Variants in SDHA observed in about 807,000 individuals in gnomAD.
SDHA encodes succinate dehydrogenase complex flavoprotein subunit A.
A neutral mutation model predicts 78.4 loss-of-function variants in SDHA; 48 were observed. That is an observed-to-expected ratio of 0.61 (90% CI 0.49 to 0.78). SDHA has a LOEUF of 0.78. Among genes scored for constraint, SDHA ranks in the 30% least tolerant of loss-of-function variants. The pLI, the probability that SDHA is intolerant of heterozygous loss-of-function variation, is 0.00. For synonymous variants in SDHA, 326 were observed against 353.9 expected, an observed-to-expected ratio of 0.92 and a Z score of 0.88; for missense variants, 680 against 892.7, an observed-to-expected ratio of 0.76 and a Z score of 3.04.
intron 11 of SDHA, among the ~76,000 whole-genome samples, chr5:241,623 A>G (rs968923459): frequency 3.9e-5 from 6 of 152,232 alleles, no homozygotes; most frequent in African/African-American, 1.4e-4. Flanking sequence ...TCTAATAACA[A>G]GGATTCTTGT....
chr5:253,366 G>A (rs1736977413), intron 13 of SDHA, among the ~76,000 whole-genome samples: 1 of 152,180 alleles, frequency 6.6e-6, no homozygotes, highest in African/African-American at 2.4e-5. Flanking sequence ...TTGTCTCCTT[G>A]TATGTATTAA....
chr5:241,109 G>A (rs1300444670), intron 11 of SDHA, among the ~76,000 whole-genome samples: 8 of 152,076 alleles, frequency 5.3e-5, no homozygotes, highest in Non-Finnish European at 8.8e-5. Context: ...ATAGAAGGTC[G>A]GCAGACTAGG....
At chr5:264,620 AG>A in the SDHA span, among the ~76,000 whole-genome samples, 1 of 152,222 alleles carries the variant, frequency 6.6e-6, no homozygotes, top group African/African-American at 2.4e-5. Context: ...TTTGAGTCTG[AG>A]GAGTGACCTG....
intron 11 of SDHA, among the ~76,000 whole-genome samples, chr5:244,736 T>C (rs1310005335): frequency 6.6e-6 from 1 of 152,214 alleles, no homozygotes; most frequent in Non-Finnish European, 1.5e-5. Flanking sequence ...AAAGTAGTTA[T>C]ATTTCCATTG....
At chr5:225,730 A>G in intron 4 of SDHA, 153 bp from the exon 5 acceptor site, 1 of 1,351,246 alleles carries the variant, frequency 7.4e-7, no homozygotes. Flanking sequence ...ATATGTAACA[A>G]GAAAACTTCT....
intron 8 of SDHA, 55 bp from the exon 9 acceptor site, chr5:235,089 A>C: frequency 1.3e-6 from 2 of 1,536,180 alleles, no homozygotes; most frequent in African/African-American, 1.4e-5. Context: ...ACGTATTCTC[A>C]GGTCTCCTGC....
At chr5:220,434 A>G (rs1485717234) in intron 1 of SDHA, 3 of 262,464 alleles carry the variant, frequency 1.1e-5, no homozygotes, top group Non-Finnish European at 2.4e-5. Context: ...AATATGTTTA[A>G]TGGTGTTCTA....
At chr5:232,584 T>G (rs1735479024) in intron 7 of SDHA, among the ~76,000 whole-genome samples, 1 of 152,156 alleles carries the variant, frequency 6.6e-6, no homozygotes, top group Non-Finnish European at 1.5e-5. Flanking sequence ...ATTCCCTCTG[T>G]AATTTGCTTA....
At chr5:221,627 T>A (rs561925625) in intron 1 of SDHA, among the ~76,000 whole-genome samples, 19 of 139,526 alleles carry the variant, frequency 1.4e-4, no homozygotes, top group African/African-American at 6.2e-4. Flanking sequence ...TAGTTATATG[T>A]TCCCCATTTT....
At position 256,617 on chromosome 5, in the gene SDHA, C is replaced by T. The variant is rs1737215809; in HGVS notation, c.*197C>T. ...AGGGAGCGTGGCACTTACCTTTGTC[C>T]CTTGCTTCATTCTTGTGAGATGATA... On this transcript the variant is annotated 3_prime_UTR_variant, in exon 15 of 15. Coordinates refer to ENST00000264932, the MANE Select transcript of SDHA (RefSeq NM_004168.4). 3.3e-5 allele frequency: 20 copies of T among 603,996 alleles called. No homozygotes were observed. The South Asian group carries it at 3.7e-4, about 11-fold the overall frequency. The allele number at this position is 603,996 out of a possible 1,614,324, so 37.4% of individuals were successfully genotyped here. A position where few individuals can be genotyped will look rare whatever the true frequency, so the allele number is the denominator to read the frequency against.
At chr5:267,494 AT>A in the SDHA span, among the ~76,000 whole-genome samples, 1 of 152,256 alleles carries the variant, frequency 6.6e-6, no homozygotes, top group Admixed American at 6.5e-5. Flanking sequence ...CAGGATGGTT[AT>A]CTGTTCATTT....
At chr5:264,427 C>T in the SDHA span, among the ~76,000 whole-genome samples, 2 of 152,324 alleles carry the variant, frequency 1.3e-5, no homozygotes, top group African/African-American at 2.4e-5. Context: ...GTCTGGGAGC[C>T]GGATCCCACG....
Position 236,617 on chromosome 5 carries a change from G to C in SDHA, c.1432+18G>C, listed in dbSNP as rs763298397. On this transcript the variant is annotated intron_variant, in intron 10 of 14. Coordinates refer to ENST00000264932, the MANE Select transcript of SDHA (RefSeq NM_004168.4). ...CAGGCCTGGTAAGTGTTTTCTTCAG[G>C]AGCCAGACTATTTGAGAAGGCGCAG... The C allele has an allele frequency of 2.5e-6, 4 of 1,612,072 alleles. No homozygotes were observed. The South Asian group carries it at 4.4e-5, about 18-fold the overall frequency.
chr5:258,504 G>A (rs1364983703), downstream of SDHA, among the ~76,000 whole-genome samples: 1 of 126,030 alleles, frequency 7.9e-6, no homozygotes, highest in Non-Finnish European at 1.6e-5. Context: ...ATTACCGTGT[G>A]AGCTCCGCCC....
At chr5:239,487 A>G (rs1032784809) in intron 10 of SDHA, among the ~76,000 whole-genome samples, 25 of 151,614 alleles carry the variant, frequency 1.6e-4, no homozygotes, top group South Asian at 4.2e-4. Context: ...GAACCCGGAG[A>G]TGGAGGTTGC....
chr5:228,364 T>C (rs764620283), intron 6 of SDHA, 31 bp downstream of exon 6: 5 of 1,597,452 alleles, frequency 3.1e-6, no homozygotes, highest in African/African-American at 1.3e-5. Flanking sequence ...TTATTTTGTT[T>C]ATAAAAATGA....
intron 8 of SDHA, chr5:234,433 A>AG: frequency 6.8e-6 from 1 of 147,154 alleles, no homozygotes. Context: ...AAAAAAAAAA[A>AG]AAAAAAAAAA....
intron 1 of SDHA, among the ~76,000 whole-genome samples, chr5:219,416 G>T (rs1382421744): frequency 6.6e-6 from 1 of 152,194 alleles, no homozygotes; most frequent in Non-Finnish European, 1.5e-5. Context: ...TAATTACAAA[G>T]TAATTTTAAA....
chr5:229,212 C>T lies in SDHA; in HGVS notation c.770+879C>T, dbSNP rs182961337. Among the ~76,000 whole-genome samples the T allele has an allele frequency of 5.6e-3, 860 of 152,274 alleles. 8 individuals are homozygous for T. The highest frequency in any genetic ancestry group is 6.8e-3 in the Middle Eastern group (2 of 294). On this transcript the variant is annotated intron_variant, in intron 6 of 14. Transcript: ENST00000264932. ...ACTATTACGGAAAACTCTGGAGGTTCCTCAAAATTCATAGGACTACTATGT... is the reference window on the plus strand; with the variant it reads ...ACTATTACGGAAAACTCTGGAGGTTTCTCAAAATTCATAGGACTACTATGT...
Sources: gnomAD v4.1 joint callset for allele counts (sites outside exome capture counted in the v4.1 genomes callset) on GRCh38, gnomAD v4.1.1 for gene constraint, MANE v1.5 for transcripts, NCBI Gene and HGNC (gene_info 2026-07-23, HGNC 2026-07-21) for gene names.